The following SLIT2 variants were observed in gnomAD, a reference collection of about 807,000 sequenced individuals.
The protein encoded by SLIT2 is slit guidance ligand 2.
Under a neutral mutation model 185.7 loss-of-function variants are expected in SLIT2, and 41 were observed. That is an observed-to-expected ratio of 0.22 (90% confidence interval 0.17 to 0.29). The LOEUF is 0.29. Ranked by LOEUF, SLIT2 falls within the 10% of genes least tolerant of loss-of-function variation. The pLI is 1.00. For synonymous variants in SLIT2, 693 were observed against 680.2 expected, an observed-to-expected ratio of 1.02 and a Z score of -0.29; for missense variants, 1,571 against 1,909.0, an observed-to-expected ratio of 0.82 and a Z score of 3.30.
intron 4 of SLIT2, among the ~76,000 whole-genome samples, chr4:20,437,875 A>C (rs1729460144): frequency 1.4e-5 from 2 of 142,264 alleles, no homozygotes; most frequent in South Asian, 4.5e-4. Context: ...AGATCACGCC[A>C]CTGCACTCCA....
At chr4:20,328,321 T>C (rs557866947) in intron 4 of SLIT2, among the ~76,000 whole-genome samples, 2 of 152,210 alleles carry the variant, frequency 1.3e-5, no homozygotes, top group South Asian at 2.1e-4. Context: ...TATAAATTCT[T>C]AGAGGATTTA....
rs1262112322 is a variant in SLIT2 at position 20,365,073 on chromosome 4, C to G, written c.395+96192C>G. ...TGCTTCATTCCCCCAGTTGCCTAAACTCTATGTTATTTTGAGTGTGCTCGT... is the reference window on the plus strand; with the variant it reads ...TGCTTCATTCCCCCAGTTGCCTAAAGTCTATGTTATTTTGAGTGTGCTCGT... On this transcript the variant is annotated intron_variant, in intron 4 of 36. Transcript: ENST00000504154. 2.6e-5 allele frequency among the ~76,000 whole-genome samples: 4 copies of G among 152,104 alleles called. No individual in the cohort carries two copies. In the East Asian group the frequency reaches 7.7e-4, roughly 29 times the overall value.
chr4:20,550,372 G>T (rs565147616), intron 24 of SLIT2, among the ~76,000 whole-genome samples: 40,079 of 151,026 alleles, frequency 0.27, 5,713 homozygotes, highest in Non-Finnish European at 0.32. Flanking sequence ...GCTTGCAGGG[G>T]TTTTTTTTAA....
At chr4:20,555,915 A>AT (rs567537014) in intron 26 of SLIT2, among the ~76,000 whole-genome samples, 3 of 151,880 alleles carry the variant, frequency 2.0e-5, no homozygotes, top group African/African-American at 7.3e-5. Flanking sequence ...AAATTGTGTC[A>AT]TTTTTTTGCT....
intron 9 of SLIT2, among the ~76,000 whole-genome samples, chr4:20,497,459 A>G (rs1718327436): frequency 6.6e-6 from 1 of 152,138 alleles, no homozygotes; most frequent in African/African-American, 2.4e-5. Flanking sequence ...TCATGAAGAG[A>G]GAATGACTAA....
intron 25 of SLIT2, 30 bp downstream of exon 25, chr4:20,550,928 A>T (rs751225284): frequency 8.0e-7 from 1 of 1,246,704 alleles, no homozygotes; most frequent in South Asian, 1.2e-5. Flanking sequence ...ATATAGGTTT[A>T]GGGTCAAACA....
intron 4 of SLIT2, among the ~76,000 whole-genome samples, chr4:20,426,187 G>A (rs531815245): frequency 5.3e-5 from 8 of 152,264 alleles, no homozygotes; most frequent in African/African-American, 1.9e-4. Flanking sequence ...CTTGAATGAA[G>A]CAGCTCCAAA....
chr4:20,542,739 G>T (rs1322309403), intron 21 of SLIT2, 113 bp downstream of exon 21: 9 of 1,150,334 alleles, frequency 7.8e-6, no homozygotes. Context: ...CATATTCTAA[G>T]GCCAGTTAAT....
At chr4:20,423,307 T>G (rs973131730) in intron 4 of SLIT2, among the ~76,000 whole-genome samples, 1 of 151,946 alleles carries the variant, frequency 6.6e-6, no homozygotes, top group South Asian at 2.1e-4. Context: ...AAGATTTAAA[T>G]AGATACCCTT....
At position 20,254,087 on chromosome 4, in the gene SLIT2, TG is replaced by T; in HGVS notation, c.179+97del. 7.6e-7 allele frequency: 1 copy of T among 1,320,232 alleles called. No homozygotes were observed. The highest frequency in any genetic ancestry group is 1.0e-6 in the Non-Finnish European group (1 of 953,924). The allele number at this position is 1,320,232 out of a possible 1,614,324, so 81.8% of individuals were successfully genotyped here. A position where few individuals can be genotyped will look rare whatever the true frequency, so the allele number is the denominator to read the frequency against. ...ACCTGTCAGCTCAGGGTCCTGTGCCTGGGGCAGCCCTCGCTAGCTCTCCCCC... is the reference window on the plus strand; with the variant it reads ...ACCTGTCAGCTCAGGGTCCTGTGCCTGGGCAGCCCTCGCTAGCTCTCCCCC... On this transcript the variant is annotated intron_variant, in intron 1 of 36. Coordinates refer to ENST00000504154, the MANE Select transcript of SLIT2 (RefSeq NM_004787.4). This position sits in a 1 kb window ranked among gnomAD's most constrained non-coding sequence, Gnocchi z 5.1.
chr4:20,303,673 T>A (rs567657498), intron 4 of SLIT2, among the ~76,000 whole-genome samples: 1 of 152,318 alleles, frequency 6.6e-6, no homozygotes, highest in African/African-American at 2.4e-5. Context: ...GCATCAGGCT[T>A]AAGTCAGAGG....
chr4:20,324,027 G>A (rs1278576616), intron 4 of SLIT2, among the ~76,000 whole-genome samples: 5 of 152,110 alleles, frequency 3.3e-5, no homozygotes, highest in Non-Finnish European at 5.9e-5. Context: ...CTTAAAAGCG[G>A]GGAAGAAACA....
At chr4:20,465,087 C>A (rs1005004725) in intron 4 of SLIT2, among the ~76,000 whole-genome samples, 2 of 152,148 alleles carry the variant, frequency 1.3e-5, no homozygotes, top group Admixed American at 6.5e-5. Context: ...ACAATTAAGT[C>A]GGAGGCTAGG....
intron 26 of SLIT2, among the ~76,000 whole-genome samples, chr4:20,554,983 T>C (rs1380314448): frequency 6.6e-6 from 1 of 152,144 alleles, no homozygotes; most frequent in Non-Finnish European, 1.5e-5. Flanking sequence ...TTGGCCAGGC[T>C]GGTCTTGAAC....
At chr4:20,424,535 T>C (rs1728401959) in intron 4 of SLIT2, among the ~76,000 whole-genome samples, 1 of 152,114 alleles carries the variant, frequency 6.6e-6, no homozygotes, top group South Asian at 2.1e-4. Flanking sequence ...AACATACATG[T>C]CATTTTCTAT....
chr4:20,264,555 A>G (rs1051608739), intron 3 of SLIT2, among the ~76,000 whole-genome samples: 1 of 151,884 alleles, frequency 6.6e-6, no homozygotes, highest in African/African-American at 2.4e-5. Flanking sequence ...GTAAGAGACT[A>G]TGACCTCTGC....
chr4:20,517,606 C>T (rs901972464), intron 11 of SLIT2, among the ~76,000 whole-genome samples: 2 of 152,016 alleles, frequency 1.3e-5, no homozygotes, highest in Non-Finnish European at 2.9e-5. Context: ...TCTATGTTTT[C>T]TACAAACAAA....
chr4:20,536,482 C>T (rs933288778), intron 18 of SLIT2, among the ~76,000 whole-genome samples: 3 of 146,742 alleles, frequency 2.0e-5, no homozygotes, highest in Non-Finnish European at 4.5e-5. Context: ...TGCTTGAACC[C>T]GGGAGGCGGA....
rs753228363 is a variant in SLIT2 at position 20,253,098 on chromosome 4, G to T, written c.-718G>T. On this transcript the variant is annotated 5_prime_UTR_variant, in exon 1 of 37. Coordinates refer to ENST00000504154, the MANE Select transcript of SLIT2 (RefSeq NM_004787.4). The stretch of plus-strand genomic sequence containing the variant: ...AGACATCCTTCAGCGAAGTGCATGT[G>T]TGTTTGTAAACCATCGTTGGCTGTC... Among the ~76,000 whole-genome samples, 1 of 152,188 alleles carries T rather than the reference G, an allele frequency of 6.6e-6. No individual in the cohort carries two copies. Among genetic ancestry groups the T allele is most frequent in the African/African-American group, 2.4e-5 (1 of 41,462 alleles).
Sources: gnomAD v4.1 joint callset for allele counts (sites outside exome capture counted in the v4.1 genomes callset) on GRCh38, gnomAD v4.1.1 for gene constraint, Gnocchi (gnomAD v3.1) non-coding constraint, MANE v1.5 for transcripts, NCBI Gene and HGNC (gene_info 2026-07-23, HGNC 2026-07-21) for gene names.